The following LYPLAL1 variants were observed in gnomAD, a reference collection of about 807,000 sequenced individuals.
LYPLAL1 encodes the protein lysophospholipase-like protein 1.
Under a neutral mutation model 19.7 loss-of-function variants are expected in LYPLAL1, and 23 were observed. That is an observed-to-expected ratio of 1.17 (90% CI 0.84 to 1.65). The LOEUF is 1.65. Among genes scored for constraint, LYPLAL1 ranks in the 40% most tolerant of loss-of-function variants. LYPLAL1 has a pLI of 0.00. For missense variants in LYPLAL1, 355 were observed against 279.4 expected (o/e 1.27, Z -1.93); for synonymous variants, 119 against 96.3 (o/e 1.24, Z -1.38).
At chr1:219,410,811 G>A in the LYPLAL1 span, among the ~76,000 whole-genome samples, 2 of 152,248 alleles carry the variant, frequency 1.3e-5, no homozygotes, top group Non-Finnish European at 2.9e-5. Flanking sequence ...GGCTGTGGAG[G>A]GTGTACTGAG....
chr1:219,333,207 T>A, the LYPLAL1 span, among the ~76,000 whole-genome samples: 4 of 152,204 alleles, frequency 2.6e-5, no homozygotes, highest in African/African-American at 7.2e-5. Context: ...GCAATCTTTA[T>A]TCCATCTGAA....
chr1:219,235,961 C>T, the LYPLAL1 span, among the ~76,000 whole-genome samples: 17 of 152,144 alleles, frequency 1.1e-4, no homozygotes, highest in Admixed American at 1.1e-3. Flanking sequence ...TAAGCATTAG[C>T]AGCCTTTCTA....
chr1:219,178,552 T>A (rs939875441), intron 1 of LYPLAL1, among the ~76,000 whole-genome samples: 1 of 152,216 alleles, frequency 6.6e-6, no homozygotes, highest in African/African-American at 2.4e-5. Context: ...TGTAAATACA[T>A]ATACATTAAT....
chr1:219,236,098 A>G, the LYPLAL1 span, among the ~76,000 whole-genome samples: 1 of 152,222 alleles, frequency 6.6e-6, no homozygotes, highest in Non-Finnish European at 1.5e-5. Flanking sequence ...TAAAAAAAGG[A>G]AAATGTTCAC....
chr1:219,427,198 T>G, the LYPLAL1 span, among the ~76,000 whole-genome samples: 4,164 of 152,324 alleles, frequency 0.027, 177 homozygotes, highest in African/African-American at 0.095. Context: ...CTTCAACATG[T>G]TATGTATCAA....
the LYPLAL1 span, among the ~76,000 whole-genome samples, chr1:219,362,951 CAA>C: frequency 7.1e-6 from 1 of 141,664 alleles, no homozygotes; most frequent in Non-Finnish European, 1.5e-5. Context: ...TGGATGAATG[CAA>C]AAAAAAAAAT....
chr1:219,322,276 T>A, the LYPLAL1 span, among the ~76,000 whole-genome samples: 2 of 152,174 alleles, frequency 1.3e-5, no homozygotes, highest in Non-Finnish European at 2.9e-5. Flanking sequence ...CTCAGCTCTC[T>A]CATTTGCTCA....
the LYPLAL1 span, among the ~76,000 whole-genome samples, chr1:219,327,091 C>T: frequency 2.6e-5 from 4 of 152,044 alleles, no homozygotes; most frequent in South Asian, 2.1e-4. Context: ...AGCTAGACCC[C>T]GTCTCAAAAA....
the LYPLAL1 span, among the ~76,000 whole-genome samples, chr1:219,255,140 A>G: frequency 1.3e-5 from 2 of 151,792 alleles, no homozygotes; most frequent in African/African-American, 2.4e-5. Context: ...CAGCAGGTAT[A>G]TTGACATTTT....
the LYPLAL1 span, among the ~76,000 whole-genome samples, chr1:219,266,024 C>G: frequency 6.6e-6 from 1 of 152,086 alleles, no homozygotes; most frequent in Non-Finnish European, 1.5e-5. Flanking sequence ...TTACTGTACA[C>G]TACTGTAGAC....
the LYPLAL1 span, among the ~76,000 whole-genome samples, chr1:219,293,066 C>T: frequency 2.0e-5 from 3 of 152,172 alleles, no homozygotes; most frequent in African/African-American, 7.2e-5. Flanking sequence ...GGTAAGGAAA[C>T]CAGTTCTACT....
chr1:219,220,121 C>G, the LYPLAL1 span, among the ~76,000 whole-genome samples: 19 of 152,140 alleles, frequency 1.2e-4, no homozygotes, highest in South Asian at 2.1e-4. Context: ...CCAATCAGCC[C>G]TAATCCAGAG....
At chr1:219,391,266 C>T in the LYPLAL1 span, among the ~76,000 whole-genome samples, 1 of 152,160 alleles carries the variant, frequency 6.6e-6, no homozygotes, top group Non-Finnish European at 1.5e-5. Context: ...CTGTTTGTCT[C>T]ATTTTGTGAC....
At chr1:219,359,160 T>G in the LYPLAL1 span, among the ~76,000 whole-genome samples, 1 of 152,170 alleles carries the variant, frequency 6.6e-6, no homozygotes, top group East Asian at 1.9e-4. Context: ...TCACTCTTAA[T>G]ATGATAAAGA....
At chr1:219,356,949 A>G in the LYPLAL1 span, among the ~76,000 whole-genome samples, 3 of 152,212 alleles carry the variant, frequency 2.0e-5, no homozygotes, top group African/African-American at 7.2e-5. Context: ...ATTATATTAT[A>G]ATTATACTTG....
chr1:219,372,775 G>A, the LYPLAL1 span, among the ~76,000 whole-genome samples: 1 of 151,952 alleles, frequency 6.6e-6, no homozygotes, highest in African/African-American at 2.4e-5. Flanking sequence ...ATGGTGATAT[G>A]CCCCTATAAT....
intron 3 of LYPLAL1, 63 bp downstream of exon 3, chr1:219,193,314 T>A: frequency 1.5e-6 from 2 of 1,332,590 alleles, no homozygotes; most frequent in Non-Finnish European, 2.1e-6. Flanking sequence ...ATACATCAAA[T>A]CTTACTTGGA....
chr1:219,227,176 T>C, the LYPLAL1 span, among the ~76,000 whole-genome samples: 1 of 152,244 alleles, frequency 6.6e-6, no homozygotes, highest in African/African-American at 2.4e-5. Context: ...GAGATTTTGG[T>C]AAGCAACGCA....
chr1:219,195,778 C>G (rs1408278398), intron 3 of LYPLAL1, among the ~76,000 whole-genome samples: 1 of 151,986 alleles, frequency 6.6e-6, no homozygotes, highest in Non-Finnish European at 1.5e-5. Flanking sequence ...TTTGCTATAC[C>G]TATTAACCTA....
Sources: allele counts gnomAD v4.1 joint callset (sites outside exome capture counted in the v4.1 genomes callset), GRCh38; gene constraint gnomAD v4.1.1; transcripts MANE v1.5; gene names NCBI Gene and HGNC (gene_info 2026-07-23, HGNC 2026-07-21).